The following RNGTT variants were observed in gnomAD, a reference collection of about 807,000 sequenced individuals.
RNGTT encodes RNA guanylyltransferase and 5'-phosphatase.
A neutral mutation model predicts 79.3 loss-of-function variants in RNGTT; 33 were observed. The observed-to-expected ratio is 0.42, with a 90% confidence interval of 0.32 to 0.56. The LOEUF is 0.56. Among genes scored for constraint, RNGTT ranks in the 20% least tolerant of loss-of-function variants. The probability of loss-of-function intolerance (pLI) is 0.17; values close to 1 mark genes in which losing one functional copy is unlikely to be tolerated. For missense variants in RNGTT, 497 were observed against 739.1 expected (o/e 0.67, Z 3.80); for synonymous variants, 222 against 235.9 (o/e 0.94, Z 0.54).
chr6:88,854,735 A>G (rs116346458), intron 8 of RNGTT, among the ~76,000 whole-genome samples: 6,236 of 152,276 alleles, frequency 0.041, 188 homozygotes, highest in African/African-American at 0.076. Context: ...CTCAATCAAC[A>G]TATGGGGGAA....
At chr6:88,630,501 C>T (rs1049687396) in intron 14 of RNGTT, among the ~76,000 whole-genome samples, 31 of 152,132 alleles carry the variant, frequency 2.0e-4, no homozygotes, top group African/African-American at 5.3e-4. Context: ...CTGTAAGCTC[C>T]GTGTTTTAAC....
intron 8 of RNGTT, among the ~76,000 whole-genome samples, chr6:88,883,062 A>C (rs984574516): frequency 6.6e-6 from 1 of 151,924 alleles, no homozygotes; most frequent in African/African-American, 2.4e-5. Flanking sequence ...TCAGCTCTAG[A>C]AGACTGTGTT....
intron 13 of RNGTT, among the ~76,000 whole-genome samples, chr6:88,687,268 A>G (rs763958880): frequency 2.0e-5 from 3 of 152,162 alleles, no homozygotes; most frequent in Non-Finnish European, 2.9e-5. Flanking sequence ...TGGCAAAATT[A>G]AAAGGTATGG....
chr6:88,921,443 T>C (rs1582132797), intron 4 of RNGTT, among the ~76,000 whole-genome samples: 2 of 152,198 alleles, frequency 1.3e-5, no homozygotes, highest in East Asian at 3.8e-4. Context: ...GTAGGCTTCA[T>C]GGAAATATAA....
chr6:88,760,450 C>A (rs1343750644), intron 13 of RNGTT, among the ~76,000 whole-genome samples: 2 of 152,092 alleles, frequency 1.3e-5, no homozygotes, highest in African/African-American at 4.8e-5. Flanking sequence ...GCCAACGAAG[C>A]ATTTGTCTTA....
chr6:88,942,161 G>A (rs1260010898), intron 1 of RNGTT, among the ~76,000 whole-genome samples: 5 of 151,954 alleles, frequency 3.3e-5, no homozygotes, highest in Non-Finnish European at 7.4e-5. Context: ...CTAAAAAGTT[G>A]TAGGCTTTAT....
intron 13 of RNGTT, among the ~76,000 whole-genome samples, chr6:88,759,159 GTTCATAA>G (rs1778122095): frequency 6.6e-6 from 1 of 152,170 alleles, no homozygotes; most frequent in African/African-American, 2.4e-5. Context: ...TTTTAGCAAA[GTTCATAA>G]TTCATTACTG....
intron 6 of RNGTT, among the ~76,000 whole-genome samples, chr6:88,894,205 T>G (rs1308686948): frequency 6.6e-6 from 1 of 152,228 alleles, no homozygotes; most frequent in African/African-American, 2.4e-5. Flanking sequence ...ATCTTGAATT[T>G]GCATTTTTAA....
intron 13 of RNGTT, among the ~76,000 whole-genome samples, chr6:88,712,491 T>C (rs1776352344): frequency 6.6e-6 from 1 of 152,240 alleles, no homozygotes; most frequent in East Asian, 1.9e-4. Context: ...TTACTTTTTG[T>C]AGAGATAGGG....
At chr6:88,949,613 T>C (rs950564770) in intron 1 of RNGTT, among the ~76,000 whole-genome samples, 9 of 152,146 alleles carry the variant, frequency 5.9e-5, no homozygotes, top group Non-Finnish European at 1.3e-4. Context: ...GTGGTCTGAA[T>C]AGATCAAACC....
intron 4 of RNGTT, among the ~76,000 whole-genome samples, chr6:88,918,641 C>A (rs1358422226): frequency 1.3e-5 from 2 of 152,052 alleles, no homozygotes; most frequent in African/African-American, 4.8e-5. Flanking sequence ...CTGAAGACAT[C>A]ACTTAGAAAT....
intron 11 of RNGTT, among the ~76,000 whole-genome samples, chr6:88,813,985 AAC>A (rs1562265943): frequency 1.3e-5 from 2 of 152,222 alleles, no homozygotes; most frequent in South Asian, 2.1e-4. Flanking sequence ...TAAAATGAAT[AAC>A]ACAGTGCAAG....
rs191102638 is a variant in RNGTT, at chr6:88,763,071, G to C, written c.1439+6703C>G. On this transcript the variant is annotated intron_variant, in intron 13 of 15. Transcript: ENST00000369485. Reference sequence around the variant, plus strand: ...TCCAAGTAGCTGGGACTACAGGCATGTGCCATCATGGCCAGCTTTTTTTTT... The same window carrying C: ...TCCAAGTAGCTGGGACTACAGGCATCTGCCATCATGGCCAGCTTTTTTTTT... 2.9e-4 allele frequency among the ~76,000 whole-genome samples: 41 copies of C among 141,508 alleles called. No individual in the cohort carries two copies. In the East Asian group the frequency reaches 6.7e-3, roughly 23 times the overall value. 92.8% of individuals were successfully genotyped at this position (141,508 alleles called of 152,430 possible).
Position 88,932,045 on chromosome 6 carries a change from T to C in RNGTT, c.175-2778A>G, listed in dbSNP as rs565056014. On this transcript the variant is annotated intron_variant, in intron 2 of 15. Transcript: ENST00000369485. ...GGGAGCCAGGCAGGACAGAGCCATA[T>C]TTCCCTTATTGCCAAAAACAGGTAA... is the stretch of plus-strand genomic sequence containing the variant. Among the ~76,000 whole-genome samples, 73 of 152,236 alleles carry C rather than the reference T, an allele frequency of 4.8e-4. No homozygotes were observed. In the Middle Eastern group the frequency reaches 0.017, roughly 35 times the overall value.
At chr6:88,691,232 C>T (rs146384064) in intron 13 of RNGTT, among the ~76,000 whole-genome samples, 25 of 152,226 alleles carry the variant, frequency 1.6e-4, no homozygotes, top group South Asian at 4.1e-4. Context: ...TCCCCCTTTG[C>T]GCTCTCTTCC....
intron 13 of RNGTT, among the ~76,000 whole-genome samples, chr6:88,748,175 G>GA (rs113308235): frequency 0.013 from 1,957 of 150,820 alleles, 34 homozygotes; most frequent in African/African-American, 0.044. Context: ...GAAATTAAAA[G>GA]AAAAAAAAAG....
chr6:88,791,595 A>T (rs1230590096), intron 12 of RNGTT, among the ~76,000 whole-genome samples: 1 of 152,004 alleles, frequency 6.6e-6, no homozygotes, highest in African/African-American at 2.4e-5. Flanking sequence ...GCTGGAGTGC[A>T]GTGGCACAAT....
At chr6:88,762,427 A>C (rs1039756052) in intron 13 of RNGTT, among the ~76,000 whole-genome samples, 3 of 152,206 alleles carry the variant, frequency 2.0e-5, no homozygotes, top group African/African-American at 7.2e-5. Flanking sequence ...GATTATCATA[A>C]ATTTAATCAT....
chr6:88,938,782 C>T (rs751101616), intron 2 of RNGTT, among the ~76,000 whole-genome samples: 17 of 152,118 alleles, frequency 1.1e-4, no homozygotes, highest in South Asian at 6.2e-4. Flanking sequence ...GACTGTCTAA[C>T]GCATTTCTTA....
Sources: allele counts gnomAD v4.1 joint callset (sites outside exome capture counted in the v4.1 genomes callset), GRCh38; gene constraint gnomAD v4.1.1; transcripts MANE v1.5; gene names NCBI Gene and HGNC (gene_info 2026-07-23, HGNC 2026-07-21).